The following CNTNAP2 variants were observed in gnomAD, a reference collection of about 807,000 sequenced individuals.
The protein encoded by CNTNAP2 is contactin associated protein 2.
In CNTNAP2, 98 loss-of-function variants were observed where a neutral mutation model predicts 155.2. That is an observed-to-expected ratio of 0.63 (90% CI 0.54 to 0.75). CNTNAP2 has a LOEUF of 0.75. CNTNAP2 is among the 30% of genes least tolerant of loss of function. The pLI is 0.00. For missense variants in CNTNAP2, 1,727 were observed against 1,688.1 expected (o/e 1.02, Z -0.40); for synonymous variants, 651 against 631.2 (o/e 1.03, Z -0.47).
intron 3 of CNTNAP2, among the ~76,000 whole-genome samples, chr7:147,002,660 A>G (rs184986725): frequency 6.6e-6 from 1 of 152,182 alleles, no homozygotes; most frequent in Admixed American, 6.6e-5. Flanking sequence ...CTGGGGGTCA[A>G]GAAGTCCAAG....
At chr7:146,633,821 C>T (rs1280332769) in intron 1 of CNTNAP2, among the ~76,000 whole-genome samples, 1 of 88,476 alleles carries the variant, frequency 1.1e-5, no homozygotes, top group African/African-American at 6.3e-5. Context: ...CAGAGCGAGA[C>T]TGCATCTAGA....
At chr7:146,612,675 A>T (rs183024086) in intron 1 of CNTNAP2, among the ~76,000 whole-genome samples, 2 of 151,972 alleles carry the variant, frequency 1.3e-5, no homozygotes, top group East Asian at 3.9e-4. Context: ...CTTGGCACGG[A>T]TTATTAAGAC....
chr7:148,085,531 A>T (rs1803707933), intron 15 of CNTNAP2, among the ~76,000 whole-genome samples: 1 of 152,188 alleles, frequency 6.6e-6, no homozygotes, highest in Non-Finnish European at 1.5e-5. Context: ...ATTTTAAAAG[A>T]ATACCCGTGT....
chr7:147,057,046 T>C (rs991683928), intron 4 of CNTNAP2, among the ~76,000 whole-genome samples: 2 of 152,088 alleles, frequency 1.3e-5, no homozygotes, highest in African/African-American at 2.4e-5. Context: ...GCAATCCTTC[T>C]ACCTTGGCCT....
chr7:146,235,568 G>A (rs1342538156), intron 1 of CNTNAP2, among the ~76,000 whole-genome samples: 2 of 152,170 alleles, frequency 1.3e-5, no homozygotes, highest in African/African-American at 4.8e-5. Context: ...CCTTAGAAAA[G>A]TTTGCCATCA....
chr7:146,535,018 G>T (rs1043540446), intron 1 of CNTNAP2, among the ~76,000 whole-genome samples: 1 of 121,152 alleles, frequency 8.3e-6, no homozygotes, highest in African/African-American at 3.1e-5. Context: ...GGCGTGCCAT[G>T]TCCATCTTTT....
rs549569743 is a variant in CNTNAP2, at chr7:147,997,402, A to T, written c.2383+19413A>T. 9.6e-4 allele frequency among the ~76,000 whole-genome samples: 146 copies of T among 152,098 alleles called. 1 individual carries two copies. The highest frequency in any genetic ancestry group is 3.4e-3 in the African/African-American group (142 of 41,502). On this transcript the variant is annotated intron_variant, in intron 15 of 23. Coordinates refer to ENST00000361727, the MANE Select transcript of CNTNAP2 (RefSeq NM_014141.6). Reference sequence around the variant, plus strand: ...AACCCCGTCTCTATTTAAAAAAAATACTGAATTAGCTGGGCGTGGTGGCAC... The same window carrying T: ...AACCCCGTCTCTATTTAAAAAAAATTCTGAATTAGCTGGGCGTGGTGGCAC...
At chr7:147,355,401 CA>C (rs1372222709) in intron 9 of CNTNAP2, among the ~76,000 whole-genome samples, 7 of 151,812 alleles carry the variant, frequency 4.6e-5, no homozygotes, top group Non-Finnish European at 1.5e-5. Flanking sequence ...CAAGAGTAAA[CA>C]AATTCAAAAG....
intron 13 of CNTNAP2, among the ~76,000 whole-genome samples, chr7:147,724,246 T>G (rs1272597353): frequency 6.6e-6 from 1 of 152,026 alleles, no homozygotes; most frequent in Non-Finnish European, 1.5e-5. Flanking sequence ...ACCAATCTGA[T>G]GCTCATAAAC....
At chr7:147,594,358 G>A (rs1015006208) in intron 12 of CNTNAP2, among the ~76,000 whole-genome samples, 5 of 152,064 alleles carry the variant, frequency 3.3e-5, no homozygotes, top group Non-Finnish European at 7.4e-5. Context: ...AGTGGCTTGC[G>A]TGGTGGCAGG....
chr7:146,680,157 T>C (rs73166372), intron 1 of CNTNAP2, among the ~76,000 whole-genome samples: 16,602 of 152,202 alleles, frequency 0.11, 1,496 homozygotes, highest in African/African-American at 0.25. Context: ...ACTTTATACA[T>C]GAGGACTTAA....
chr7:147,987,392 A>G (rs1801637561), intron 15 of CNTNAP2, among the ~76,000 whole-genome samples: 1 of 152,230 alleles, frequency 6.6e-6, no homozygotes, highest in South Asian at 2.1e-4. Context: ...TACAATTGAC[A>G]TGATATTTGT....
chr7:148,056,378 T>C (rs1433594267), intron 15 of CNTNAP2: 1 of 152,218 alleles, frequency 6.6e-6, no homozygotes, highest in Non-Finnish European at 1.5e-5. Flanking sequence ...ATTGCAGAAA[T>C]GTTTCTATCA....
chr7:146,801,080 G>T (rs1802868727), intron 2 of CNTNAP2, among the ~76,000 whole-genome samples: 2 of 152,170 alleles, frequency 1.3e-5, no homozygotes, highest in Non-Finnish European at 2.9e-5. Flanking sequence ...TACAAGCATG[G>T]CACCAGCATC....
chr7:146,230,982 T>A (rs980269808), intron 1 of CNTNAP2, among the ~76,000 whole-genome samples: 6 of 145,778 alleles, frequency 4.1e-5, no homozygotes, highest in African/African-American at 1.6e-4. Flanking sequence ...GCCACTGCAC[T>A]CCAACCTGGG....
chr7:148,400,463 A>T (rs28375423), intron 22 of CNTNAP2, among the ~76,000 whole-genome samples: 1 of 152,172 alleles, frequency 6.6e-6, no homozygotes, highest in South Asian at 2.1e-4. Flanking sequence ...ACAAACCTCA[A>T]CGAAGAGCCG....
chr7:147,394,107 C>A (rs1796768845), intron 9 of CNTNAP2, among the ~76,000 whole-genome samples: 1 of 151,928 alleles, frequency 6.6e-6, no homozygotes, highest in African/African-American at 2.4e-5. Flanking sequence ...GGAGGTAATT[C>A]TATCATTTCA....
chr7:146,742,116 G>T (rs546067173), intron 1 of CNTNAP2, among the ~76,000 whole-genome samples: 1 of 150,724 alleles, frequency 6.6e-6, no homozygotes, highest in Admixed American at 6.6e-5. Flanking sequence ...GTTCCAGTGA[G>T]CCAGTTTGTG....
In CNTNAP2 at chr7:148,418,044, G is replaced by T. The variant is rs1184090647; in HGVS notation, c.*2428G>T. On this transcript the variant is annotated 3_prime_UTR_variant, in exon 24 of 24. Transcript: ENST00000361727. ...TAGGACACTGTCTTCCTTCAAGAGG[G>T]TTACAATGTGGCCATCAGACAGGAA... 6.6e-6 allele frequency: 1 copy of T among 152,174 alleles called. No individual in the cohort carries two copies. 9.4% of individuals were successfully genotyped at this position (152,174 alleles called of 1,614,324 possible). A position where few individuals can be genotyped will look rare whatever the true frequency, so the allele number is the denominator to read the frequency against.
Sources: allele counts gnomAD v4.1 joint callset (sites outside exome capture counted in the v4.1 genomes callset), GRCh38; gene constraint gnomAD v4.1.1; transcripts MANE v1.5; gene names NCBI Gene and HGNC (gene_info 2026-07-23, HGNC 2026-07-21).